SRP68: variants seen among roughly 807,000 people sequenced by gnomAD.
The protein encoded by SRP68 is signal recognition particle 68.
In SRP68, 15 loss-of-function variants were observed where a neutral mutation model predicts 82.2. The ratio of observed to expected loss-of-function variants is 0.18; its 90% CI spans 0.12 to 0.28. SRP68 has a LOEUF of 0.28. Ranked by LOEUF, SRP68 falls within the 10% of genes least tolerant of loss-of-function variation. SRP68 has a pLI of 1.00. For synonymous variants in SRP68, 261 were observed against 292.6 expected (o/e 0.89, Z 1.10); for missense variants, 595 against 780.5 (o/e 0.76, Z 2.83).
intron 13 of SRP68, 49 bp downstream of exon 13, chr17:76,043,780 A>T: frequency 6.5e-7 from 1 of 1,531,980 alleles, no homozygotes; most frequent in Non-Finnish European, 8.7e-7. Context: ...TCCACAGCTG[A>T]CTCCATAACC....
In SRP68 at chr17:76,039,363, G is replaced by A. The variant is rs17498898; in HGVS notation, c.*343C>T. The A allele has an allele frequency of 0.046, 22,950 of 501,044 alleles. 750 individuals carry two copies. The highest frequency in any genetic ancestry group is 0.1 in the South Asian group (6,721 of 64,930). The allele number at this position is 501,044 out of a possible 1,614,324, so 31.0% of individuals were successfully genotyped here. On this transcript the variant is annotated 3_prime_UTR_variant, in exon 16 of 16. Coordinates refer to ENST00000307877, the MANE Select transcript of SRP68 (RefSeq NM_014230.4). Reference sequence around the variant, plus strand: ...TGGTACTGAAGAAGCATGACAAAGCGTTTCAAGGCCCCATCTGTGCCTGGT... The same window carrying A: ...TGGTACTGAAGAAGCATGACAAAGCATTTCAAGGCCCCATCTGTGCCTGGT...
At position 76,072,304 on chromosome 17, in the gene SRP68, A is replaced by G. The variant is rs370673876; in HGVS notation, c.184+4T>C. The stretch of plus-strand genomic sequence containing the variant: ...GCGAGTTAGGCCCGATTACTCTAGG[A>G]TACTCTCCAAACTCAGGCTATCCCC... On this transcript the variant is annotated splice_donor_region_variant and intron_variant, in intron 1 of 15. Coordinates refer to ENST00000307877, the MANE Select transcript of SRP68 (RefSeq NM_014230.4). The surrounding 1 kb of genome is among the most constrained non-coding windows in gnomAD (Gnocchi z 4.5). 4 of 1,611,784 alleles carry G rather than the reference A, an allele frequency of 2.5e-6. No homozygotes were observed. Among genetic ancestry groups the G allele is most frequent in the Non-Finnish European group, 3.4e-6 (4 of 1,179,324 alleles).
intron 8 of SRP68, among the ~76,000 whole-genome samples, chr17:76,056,490 T>C (rs2066714602): frequency 6.6e-6 from 1 of 152,212 alleles, no homozygotes. Context: ...ACTGTTCTAG[T>C]CTTCTGTCCT....
chr17:76,063,084 T>C (rs1431137478), intron 4 of SRP68, among the ~76,000 whole-genome samples: 2 of 151,908 alleles, frequency 1.3e-5, no homozygotes, highest in African/African-American at 4.8e-5. Flanking sequence ...AATATAGATA[T>C]ATTAATCACA....
chr17:76,066,396 G>A (rs2066806555), intron 3 of SRP68, among the ~76,000 whole-genome samples: 1 of 151,450 alleles, frequency 6.6e-6, no homozygotes, highest in African/African-American at 2.4e-5. Flanking sequence ...GTTGCAGTGA[G>A]GTGAGACGAC....
chr17:76,052,535 T>A (rs1476674557), intron 8 of SRP68, among the ~76,000 whole-genome samples: 1 of 152,152 alleles, frequency 6.6e-6, no homozygotes, highest in Non-Finnish European at 1.5e-5. Context: ...CTGGGCGCGG[T>A]GGCTCACGCC....
chr17:76,050,563 T>TGAGCAAACCATAGTCACCTAATGGGAGAG (rs1254623579), intron 8 of SRP68, 37 bp from the exon 9 acceptor site: 6 of 1,545,008 alleles, frequency 3.9e-6, no homozygotes, highest in Non-Finnish European at 5.4e-6. Context: ...GACTTTCCTT[T>TGAGCAAACCATAGTCACCTAATGGGAGAG]GAGCAAACCA....
At chr17:76,059,282 C>T (rs181397328) in intron 7 of SRP68, among the ~76,000 whole-genome samples, 35 of 151,990 alleles carry the variant, frequency 2.3e-4, no homozygotes, top group Middle Eastern at 3.5e-3. Flanking sequence ...CGGTGGCTCA[C>T]GCCTATACTC....
In SRP68 at chr17:76,072,164, T is replaced by G; in HGVS notation, c.184+144A>C. On this transcript the variant is annotated intron_variant, in intron 1 of 15. Coordinates refer to ENST00000307877, the MANE Select transcript of SRP68 (RefSeq NM_014230.4). The surrounding 1 kb of genome is among the most constrained non-coding windows in gnomAD (Gnocchi z 4.5). ...GAGAGACAGACCCCCCCCGGAATTC[T>G]GAGCACCAAAAGGTAAGGGCGAGAG... 2 of 1,435,642 alleles carry G rather than the reference T, an allele frequency of 1.4e-6. No homozygotes were observed. Among genetic ancestry groups the G allele is most frequent in the Admixed American group, 2.3e-5 (1 of 43,788 alleles). 88.9% of individuals were successfully genotyped at this position (1,435,642 alleles called of 1,614,324 possible).
At chr17:76,053,064 C>A (rs1182049136) in intron 8 of SRP68, among the ~76,000 whole-genome samples, 3 of 151,800 alleles carry the variant, frequency 2.0e-5, no homozygotes, top group Non-Finnish European at 2.9e-5. Context: ...GAGTTTGAGA[C>A]CAGCCTGGGC....
At chr17:76,061,263 G>A (rs1396001497) in intron 5 of SRP68, 44 bp from the exon 6 acceptor site, 2 of 1,363,056 alleles carry the variant, frequency 1.5e-6, no homozygotes, top group Non-Finnish European at 2.1e-6. Context: ...CCTTATATAA[G>A]AAAAACTCAT....
intron 4 of SRP68, 66 bp from the exon 5 acceptor site, chr17:76,061,640 T>C: frequency 7.4e-7 from 1 of 1,343,786 alleles, no homozygotes; most frequent in Non-Finnish European, 1.1e-6. Flanking sequence ...CAATCTTCCT[T>C]TATTGGCTTC....
At chr17:76,070,339 C>T in intron 2 of SRP68, 39 bp downstream of exon 2, 1 of 1,550,064 alleles carries the variant, frequency 6.5e-7, no homozygotes, top group Non-Finnish European at 8.9e-7. Flanking sequence ...CAAAGCAAGT[C>T]CCACAATGAT....
rs1466594976 is a variant in SRP68, at chr17:76,039,699, A to G, written c.*7T>C. ...AGAATCTCCCCCGCCCCCGAGGAAG[A>G]GCCTGGTTAGCTCCTGAATCCAAAG... is the stretch of plus-strand genomic sequence containing the variant. On this transcript the variant is annotated 3_prime_UTR_variant, in exon 16 of 16. Coordinates refer to ENST00000307877, the MANE Select transcript of SRP68 (RefSeq NM_014230.4). 6.2e-7 allele frequency: 1 copy of G among 1,609,494 alleles called. No individual in the cohort carries two copies. Among genetic ancestry groups the G allele is most frequent in the South Asian group, 1.1e-5 (1 of 91,022 alleles).
At chr17:76,054,063 A>T (rs1473449570) in intron 8 of SRP68, among the ~76,000 whole-genome samples, 1 of 152,228 alleles carries the variant, frequency 6.6e-6, no homozygotes, top group Non-Finnish European at 1.5e-5. Flanking sequence ...TAAGCCCAGA[A>T]GTAATATGTT....
chr17:76,070,369 G>T lies in SRP68; in HGVS notation c.251+9C>A. 1 of 1,611,630 alleles carries T rather than the reference G, an allele frequency of 6.2e-7. No homozygotes were observed. Among genetic ancestry groups the T allele is most frequent in the South Asian group, 1.1e-5 (1 of 91,040 alleles). On this transcript the variant is annotated intron_variant, in intron 2 of 15. Coordinates refer to ENST00000307877, the MANE Select transcript of SRP68 (RefSeq NM_014230.4). ...AATGATTTCCAAACATCTTGTATGT[G>T]ATACTAACCTGTACCTCTGAAAATC...
At chr17:76,066,536 T>C (rs1376938261) in intron 3 of SRP68, among the ~76,000 whole-genome samples, 1 of 151,870 alleles carries the variant, frequency 6.6e-6, no homozygotes, top group Non-Finnish European at 1.5e-5. Flanking sequence ...TTGAAATTTA[T>C]ATTCTAGAAA....
chr17:76,053,265 CAAAAAAA>C (rs34472995), intron 8 of SRP68, among the ~76,000 whole-genome samples: 2 of 82,566 alleles, frequency 2.4e-5, no homozygotes, highest in Non-Finnish European at 4.8e-5. Flanking sequence ...GACCCTGTCT[CAAAAAAA>C]AAAAAAAAAA....
At chr17:76,043,695 G>T in intron 13 of SRP68, 134 bp downstream of exon 13, 2 of 926,870 alleles carry the variant, frequency 2.2e-6, no homozygotes, top group South Asian at 1.9e-5. Context: ...GGCAGTCAGG[G>T]CTACACCAGG....
Sources: allele counts gnomAD v4.1 joint callset (sites outside exome capture counted in the v4.1 genomes callset), GRCh38; gene constraint gnomAD v4.1.1; non-coding constraint Gnocchi (gnomAD v3.1); transcripts MANE v1.5; gene names NCBI Gene and HGNC (gene_info 2026-07-23, HGNC 2026-07-21).